The following EML6 variants were observed in gnomAD, a reference collection of about 807,000 sequenced individuals.
EML6 encodes the protein EMAP like 6.
Under a neutral mutation model 240.1 loss-of-function variants are expected in EML6, and 154 were observed. The observed-to-expected ratio is 0.64, with a 90% CI of 0.56 to 0.73. The LOEUF (loss-of-function observed/expected upper bound fraction) is 0.73. Among genes scored for constraint, EML6 ranks in the 30% least tolerant of loss-of-function variants. The pLI is 0.00. For synonymous variants in EML6, 1,148 were observed against 899.0 expected (o/e 1.28, Z -4.95); for missense variants, 2,964 against 2,474.6 (o/e 1.20, Z -4.20).
intron 2 of EML6, among the ~76,000 whole-genome samples, chr2:54,782,136 G>A (rs754922970): frequency 4.6e-5 from 7 of 152,108 alleles, no homozygotes; most frequent in Non-Finnish European, 7.4e-5. Flanking sequence ...ATAAGTCTAT[G>A]TTCTAACTAA....
Position 54,859,594 on chromosome 2 carries a change from A to C in EML6, c.1718A>C (p.His573Pro), listed in dbSNP as rs1360290186. The C allele has an allele frequency of 9.7e-6, 15 of 1,551,352 alleles. No individual in the cohort carries two copies. Among genetic ancestry groups the C allele is most frequent in the Non-Finnish European group, 1.3e-5 (15 of 1,146,884 alleles). ...SAHVTNVRWS[H>P]DFQWVLSTGG... Reference sequence around the variant, plus strand: ...CATGTCACAAATGTCCGCTGGTCCCATGACTTTCAGTGGGTGTTGAGCACA... The same window carrying C: ...CATGTCACAAATGTCCGCTGGTCCCCTGACTTTCAGTGGGTGTTGAGCACA... Residue 573 changes from histidine (H) to proline (P), a missense_variant, in exon 12 of 42, where the codon CAT (histidine) becomes CCT (proline). Physicochemically the swap from His to Pro is moderately conservative, Grantham distance 77. Transcript: ENST00000356458.
intron 2 of EML6, among the ~76,000 whole-genome samples, chr2:54,810,205 G>T (rs999510651): frequency 6.6e-6 from 1 of 151,992 alleles, no homozygotes; most frequent in African/African-American, 2.4e-5. Flanking sequence ...GGAACTTCTG[G>T]CAAGAAAAAA....
chr2:54,873,853 A>G (rs1671375772), intron 16 of EML6, among the ~76,000 whole-genome samples: 1 of 145,776 alleles, frequency 6.9e-6, no homozygotes, highest in Admixed American at 7.0e-5. Flanking sequence ...CTGGCAATGT[A>G]TAACAAAGCT....
chr2:54,825,664 T>C (rs950373680), intron 5 of EML6, among the ~76,000 whole-genome samples: 1 of 152,218 alleles, frequency 6.6e-6, no homozygotes, highest in African/African-American at 2.4e-5. Flanking sequence ...GAATCCGATT[T>C]GGTCCTTCAT....
chr2:54,752,821 CT>C (rs1684234730), intron 2 of EML6, among the ~76,000 whole-genome samples: 1 of 152,182 alleles, frequency 6.6e-6, no homozygotes. Context: ...CAGAGTCTTA[CT>C]TTGTCACCCA....
At position 54,850,081 on chromosome 2, in the gene EML6, C is replaced by G. The variant is rs1669990477; in HGVS notation, c.1307C>G (p.Ala436Gly). The change falls in exon 10 of 42, where the codon GCT becomes GGT. Residue 436 changes from alanine (A) to glycine (G), a missense_variant. Ala to Gly is a moderately conservative substitution (Grantham distance 60). Transcript: ENST00000356458. ...GSNDGPVDVY[A>G]VAQRYKKIGE... ...AATGATGGCCCAGTAGATGTCTATG[C>G]TGTTGCCCAGAGGTATAAGAAAATT... is the stretch of plus-strand genomic sequence containing the variant. 3 of 1,552,096 alleles carry G rather than the reference C, an allele frequency of 1.9e-6. No individual in the cohort carries two copies. Among genetic ancestry groups the G allele is most frequent in the East Asian group, 2.4e-5 (1 of 40,924 alleles).
chr2:54,836,649 G>T (rs1669160010), intron 7 of EML6, among the ~76,000 whole-genome samples: 1 of 152,078 alleles, frequency 6.6e-6, no homozygotes, highest in African/African-American at 2.4e-5. Flanking sequence ...ACTCCCCTGG[G>T]GGTCCCCTGG....
chr2:54,773,998 C>T (rs1488888493), intron 2 of EML6, among the ~76,000 whole-genome samples: 1 of 152,186 alleles, frequency 6.6e-6, no homozygotes. Context: ...GCTCCCACTC[C>T]AGCCTTCATG....
rs943013154 is a variant in EML6 at position 54,838,458 on chromosome 2, G to C, written c.848-5589G>C. The stretch of plus-strand genomic sequence containing the variant: ...ACTAAATACCTTACCATGTCACACA[G>C]CTGGCAACGGCTGGTATATAAATCC... On this transcript the variant is annotated intron_variant, in intron 7 of 41. Transcript: ENST00000356458. 3.9e-5 allele frequency among the ~76,000 whole-genome samples: 6 copies of C among 152,210 alleles called. No homozygotes were observed. The East Asian group carries it at 9.6e-4, about 24-fold the overall frequency.
intron 8 of EML6, among the ~76,000 whole-genome samples, chr2:54,846,103 G>A (rs1045656136): frequency 4.6e-5 from 7 of 152,070 alleles, no homozygotes; most frequent in South Asian, 2.1e-4. Flanking sequence ...ATTGCCCCTC[G>A]TTTGCCACTT....
At chr2:54,831,786 G>C (rs1307203108) in intron 7 of EML6, among the ~76,000 whole-genome samples, 5 of 152,028 alleles carry the variant, frequency 3.3e-5, no homozygotes, top group Non-Finnish European at 7.4e-5. Context: ...CAGGGAGTCG[G>C]AGAGGGCACA....
intron 25 of EML6, among the ~76,000 whole-genome samples, chr2:54,915,640 G>C: frequency 6.6e-6 from 1 of 152,078 alleles, no homozygotes; most frequent in East Asian, 1.9e-4. Context: ...TGAGAAATTT[G>C]AGGGACTAAC....
chr2:54,907,039 A>G (rs1027477587), intron 24 of EML6, among the ~76,000 whole-genome samples: 2 of 152,204 alleles, frequency 1.3e-5, no homozygotes, highest in South Asian at 2.1e-4. Flanking sequence ...AGGTCCTTGG[A>G]AAACCAAAAA....
intron 2 of EML6, among the ~76,000 whole-genome samples, chr2:54,805,768 TTA>T (rs974706028): frequency 9.2e-5 from 14 of 152,336 alleles, no homozygotes; most frequent in African/African-American, 3.1e-4. Context: ...AAAGATTTTC[TTA>T]TATTTTTTTC....
intron 2 of EML6, among the ~76,000 whole-genome samples, chr2:54,763,936 GT>G (rs1413686896): frequency 1.3e-5 from 2 of 152,202 alleles, no homozygotes; most frequent in African/African-American, 4.8e-5. Context: ...TCCAAACTCC[GT>G]TGGTTGTTCT....
chr2:54,887,124 A>G (rs1672191313), intron 17 of EML6, among the ~76,000 whole-genome samples: 1 of 152,162 alleles, frequency 6.6e-6, no homozygotes, highest in African/African-American at 2.4e-5. Flanking sequence ...TGCCCAGAAC[A>G]TCTAATTTTT....
chr2:54,971,515 T>C lies in EML6; in HGVS notation c.*1420T>C, dbSNP rs1227443145. 1 of 152,252 alleles carries C rather than the reference T, an allele frequency of 6.6e-6. No individual in the cohort carries two copies. The highest frequency in any genetic ancestry group is 1.5e-5 in the Non-Finnish European group (1 of 68,046). The allele number at this position is 152,252 out of a possible 1,614,324, so 9.4% of individuals were successfully genotyped here. A position where few individuals can be genotyped will look rare whatever the true frequency, so the allele number is the denominator to read the frequency against. Reference sequence around the variant, plus strand: ...AAAAGGTAAAATGAGGCATTTTCAATTGTAGAATAGACTAACATTTACCAC... The same window carrying C: ...AAAAGGTAAAATGAGGCATTTTCAACTGTAGAATAGACTAACATTTACCAC... On this transcript the variant is annotated 3_prime_UTR_variant, in exon 42 of 42. Coordinates refer to ENST00000356458, the MANE Select transcript of EML6 (RefSeq NM_001039753.4).
chr2:54,953,119 G>C (rs1251085862), intron 31 of EML6, among the ~76,000 whole-genome samples: 1 of 152,164 alleles, frequency 6.6e-6, no homozygotes, highest in Non-Finnish European at 1.5e-5. Flanking sequence ...TTTTCACTTA[G>C]TCATCTCGAG....
chr2:54,832,584 C>T (rs1380187755), intron 7 of EML6, among the ~76,000 whole-genome samples: 1 of 152,206 alleles, frequency 6.6e-6, no homozygotes, highest in Non-Finnish European at 1.5e-5. Context: ...ATGTAAATAG[C>T]TTTCTGGCGT....
Sources: allele counts gnomAD v4.1 joint callset (sites outside exome capture counted in the v4.1 genomes callset), GRCh38; gene constraint gnomAD v4.1.1; transcripts MANE v1.5; gene names NCBI Gene and HGNC (gene_info 2026-07-23, HGNC 2026-07-21).